The following PDE8B variants were observed in gnomAD, a reference collection of about 807,000 sequenced individuals.
PDE8B encodes phosphodiesterase 8B.
In PDE8B, 26 loss-of-function variants were observed where a neutral mutation model predicts 101.3. The ratio of observed to expected loss-of-function variants is 0.26; its 90% CI spans 0.19 to 0.36. The LOEUF (loss-of-function observed/expected upper bound fraction) is 0.36, where lower values mean the gene tolerates loss of function less well. PDE8B is among the 10% of genes least tolerant of loss of function. The probability of loss-of-function intolerance (pLI) is 1.00; values close to 1 mark genes in which losing one functional copy is unlikely to be tolerated. For missense variants in PDE8B, 810 were observed against 1,163.1 expected (o/e 0.70, Z 4.42); for synonymous variants, 424 against 429.3 (o/e 0.99, Z 0.15).
chr5:77,281,262 C>T (rs763056936), intron 1 of PDE8B, among the ~76,000 whole-genome samples: 9 of 152,184 alleles, frequency 5.9e-5, no homozygotes, highest in Non-Finnish European at 1.0e-4. Context: ...CGTCCCTCCC[C>T]GAGGCCTAGA....
chr5:77,303,404 G>T (rs1301156402), intron 1 of PDE8B, among the ~76,000 whole-genome samples: 2 of 151,978 alleles, frequency 1.3e-5, no homozygotes, highest in Admixed American at 1.3e-4. Context: ...GCAGGGCGTA[G>T]AGAATTTTTG....
chr5:77,098,858 A>G, the PDE8B span: 1 of 152,180 alleles, frequency 6.6e-6, no homozygotes, highest in Non-Finnish European at 1.5e-5. Context: ...TGAGAAAGAG[A>G]GAGAGATACA....
intron 1 of PDE8B, among the ~76,000 whole-genome samples, chr5:77,289,110 C>G (rs1449548177): frequency 6.6e-6 from 1 of 152,132 alleles, no homozygotes; most frequent in Non-Finnish European, 1.5e-5. Flanking sequence ...GAGACATGCT[C>G]TAGTAGAGTG....
chr5:77,120,754 T>C, the PDE8B span, among the ~76,000 whole-genome samples: 1 of 152,348 alleles, frequency 6.6e-6, no homozygotes, highest in South Asian at 2.1e-4. Context: ...TGTACAAGCC[T>C]GTCAGGACCG....
the PDE8B span, among the ~76,000 whole-genome samples, chr5:77,176,054 T>C: frequency 1.3e-5 from 2 of 152,220 alleles, no homozygotes; most frequent in Non-Finnish European, 2.9e-5. Flanking sequence ...GTGGTCGGGC[T>C]TCTATTTGTG....
the PDE8B span, among the ~76,000 whole-genome samples, chr5:77,130,360 TA>T: frequency 2.0e-5 from 3 of 152,116 alleles, no homozygotes; most frequent in Non-Finnish European, 4.4e-5. Context: ...GACTGACTCA[TA>T]AAGACGTTAG....
chr5:77,365,801 G>C (rs13159287), intron 10 of PDE8B, among the ~76,000 whole-genome samples: 51,562 of 152,048 alleles, frequency 0.34, 9,353 homozygotes, highest in African/African-American at 0.47. Flanking sequence ...ATGTGGCTCT[G>C]CCTGTCTTGT....
chr5:77,311,902 C>A, intron 1 of PDE8B, 92 bp from the exon 2 acceptor site: 2 of 987,480 alleles, frequency 2.0e-6, no homozygotes, highest in Non-Finnish European at 3.3e-6. Flanking sequence ...TTAGTGCACA[C>A]GGTGGCATAA....
At chr5:77,163,995 T>C in the PDE8B span, among the ~76,000 whole-genome samples, 1 of 152,222 alleles carries the variant, frequency 6.6e-6, no homozygotes, top group Non-Finnish European at 1.5e-5. Flanking sequence ...TCTTACTTCC[T>C]GGTAAATAAA....
the PDE8B span, chr5:77,118,178 C>A: frequency 2.6e-6 from 1 of 379,172 alleles, no homozygotes; most frequent in Non-Finnish European, 4.7e-6. Flanking sequence ...AACTGCTGAT[C>A]TAAAGTGATC....
At chr5:77,197,109 C>CTTTT in the PDE8B span, among the ~76,000 whole-genome samples, 35 of 94,658 alleles carry the variant, frequency 3.7e-4, 1 homozygote, top group Admixed American at 1.5e-3. Flanking sequence ...TTAAAAAAAA[C>CTTTT]TTTTTTTTTT....
rs895746094 is a variant in PDE8B, at chr5:77,237,482, T to C, written c.339+26218T>C. 3.9e-5 allele frequency among the ~76,000 whole-genome samples: 6 copies of C among 152,180 alleles called. No homozygotes were observed. The East Asian group carries it at 1.2e-3, about 29-fold the overall frequency. On this transcript the variant is annotated intron_variant, in intron 1 of 21. Coordinates refer to ENST00000264917, the MANE Select transcript of PDE8B (RefSeq NM_003719.5). ...CATAGTGAACTTAGAAACGATATTCTATGTCTTCAAATTATATAAAGAAAT... is the reference window on the plus strand; with the variant it reads ...CATAGTGAACTTAGAAACGATATTCCATGTCTTCAAATTATATAAAGAAAT...
chr5:77,143,620 G>A, the PDE8B span, among the ~76,000 whole-genome samples: 2 of 152,292 alleles, frequency 1.3e-5, no homozygotes, highest in African/African-American at 4.8e-5. Context: ...GCCCTTTAGG[G>A]AAATGTCTAC....
chr5:77,428,177 C>A lies in PDE8B; in HGVS notation c.*1623C>A, dbSNP rs1367631850. On this transcript the variant is annotated 3_prime_UTR_variant, in exon 22 of 22. Coordinates refer to ENST00000264917, the MANE Select transcript of PDE8B (RefSeq NM_003719.5). ...AAATGTTTTTGTGAAGTACTTGTAACTAAATTCCTACAGCCATTTTTCACT... is the reference window on the plus strand; with the variant it reads ...AAATGTTTTTGTGAAGTACTTGTAAATAAATTCCTACAGCCATTTTTCACT... 6.6e-6 allele frequency: 1 copy of A among 152,196 alleles called. No homozygotes were observed. The highest frequency in any genetic ancestry group is 1.9e-4 in the East Asian group (1 of 5,204). The allele number at this position is 152,196 out of a possible 1,614,324, so 9.4% of individuals were successfully genotyped here. A position where few individuals can be genotyped will look rare whatever the true frequency, so the allele number is the denominator to read the frequency against.
chr5:77,258,782 C>T (rs530626039), intron 1 of PDE8B, among the ~76,000 whole-genome samples: 2 of 152,218 alleles, frequency 1.3e-5, no homozygotes, highest in African/African-American at 4.8e-5. Flanking sequence ...CCTACGCTTC[C>T]TTCAGCTCAG....
intron 1 of PDE8B, among the ~76,000 whole-genome samples, chr5:77,299,941 C>CAG (rs1424189974): frequency 6.6e-6 from 1 of 152,204 alleles, no homozygotes; most frequent in African/African-American, 2.4e-5. Context: ...GTGAGGCAGT[C>CAG]TTCTAAGATC....
intron 17 of PDE8B, among the ~76,000 whole-genome samples, chr5:77,414,587 ATTTTTTTT>A (rs35794220): frequency 7.2e-6 from 1 of 139,458 alleles, no homozygotes; most frequent in Admixed American, 7.2e-5. Context: ...TGCCCAGCCG[ATTTTTTTT>A]TTTTTTTTGT....
chr5:77,223,333 A>G (rs1031844008), intron 1 of PDE8B, among the ~76,000 whole-genome samples: 1 of 149,734 alleles, frequency 6.7e-6, no homozygotes, highest in Non-Finnish European at 1.5e-5. Context: ...TGCTGCACCC[A>G]TTAACTCGTC....
chr5:77,351,021 C>A, intron 8 of PDE8B, 44 bp from the exon 9 acceptor site: 1 of 1,399,816 alleles, frequency 7.1e-7, no homozygotes, highest in South Asian at 1.2e-5. Context: ...GAGCAGCTGT[C>A]ATCCTTGACT....
Sources: allele counts gnomAD v4.1 joint callset (sites outside exome capture counted in the v4.1 genomes callset), GRCh38; gene constraint gnomAD v4.1.1; transcripts MANE v1.5; gene names NCBI Gene and HGNC (gene_info 2026-07-23, HGNC 2026-07-21).